Variants in ZNF722 observed in about 807,000 individuals in gnomAD.
ZNF722 encodes the protein zinc finger protein 479 pseudogene.
At chr7:64,004,423 A>ATATATATAT in the ZNF722 span, among the ~76,000 whole-genome samples, 11 of 61,694 alleles carry the variant, frequency 1.8e-4, no homozygotes, top group South Asian at 5.8e-4. Flanking sequence ...AAAAAAAAAA[A>ATATATATAT]AAATATATAT....
At chr7:64,017,761 CAG>C in the ZNF722 span, among the ~76,000 whole-genome samples, 1 of 152,120 alleles carries the variant, frequency 6.6e-6, no homozygotes, top group Non-Finnish European at 1.5e-5. Context: ...TACACTAAAT[CAG>C]AGTGTTGAAT....
At chr7:64,000,130 T>TGTGTGTG in the ZNF722 span, among the ~76,000 whole-genome samples, 10 of 140,550 alleles carry the variant, frequency 7.1e-5, no homozygotes, top group East Asian at 1.1e-3. Flanking sequence ...TTTTTTTTTT[T>TGTGTGTG]TTTGTGTGTG....
chr7:64,013,452 T>G, the ZNF722 span, among the ~76,000 whole-genome samples: 1 of 152,242 alleles, frequency 6.6e-6, no homozygotes, highest in Non-Finnish European at 1.5e-5. Flanking sequence ...TAAAGATTTT[T>G]TTCTTTATGC....
the ZNF722 span, among the ~76,000 whole-genome samples, chr7:64,001,664 T>C: frequency 1.3e-5 from 2 of 152,226 alleles, no homozygotes; most frequent in African/African-American, 2.4e-5. Context: ...AATGCCAAAC[T>C]GCTTTTCTCA....
the ZNF722 span, among the ~76,000 whole-genome samples, chr7:64,002,787 A>G: frequency 6.6e-6 from 1 of 152,306 alleles, no homozygotes; most frequent in Non-Finnish European, 1.5e-5. Flanking sequence ...AGACTTACTC[A>G]GATATTGCTG....
At chr7:64,004,456 A>ATATATATATAT in the ZNF722 span, among the ~76,000 whole-genome samples, 7 of 140,198 alleles carry the variant, frequency 5.0e-5, no homozygotes, top group African/African-American at 1.6e-4. Context: ...ATATATATAT[A>ATATATATATAT]AAATTAAATT....
chr7:63,999,008 C>A, the ZNF722 span: 3 of 1,576,704 alleles, frequency 1.9e-6, no homozygotes, highest in Non-Finnish European at 2.6e-6. Flanking sequence ...ATGGTGAGTG[C>A]TGGGTCTGTC....
chr7:64,003,643 T>G, the ZNF722 span, among the ~76,000 whole-genome samples: 19 of 152,320 alleles, frequency 1.2e-4, no homozygotes, highest in Non-Finnish European at 1.8e-4. Flanking sequence ...TTTGTTATTT[T>G]TATGATAGTC....
At chr7:64,005,470 G>A in the ZNF722 span, 7 of 512,500 alleles carry the variant, frequency 1.4e-5, no homozygotes, top group Non-Finnish European at 2.1e-5. Context: ...TTATCTTATC[G>A]AATAATTTTA....
chr7:64,015,907 AC>A, the ZNF722 span: 1 of 1,529,622 alleles, frequency 6.5e-7, no homozygotes, highest in Non-Finnish European at 9.0e-7. Context: ...GAGAAACCCT[AC>A]AAAAGTAAAT....
At chr7:64,009,399 T>A in the ZNF722 span, among the ~76,000 whole-genome samples, 9 of 152,312 alleles carry the variant, frequency 5.9e-5, no homozygotes, top group Non-Finnish European at 1.2e-4. Context: ...TAGCTCTTAT[T>A]ATTTTGAGAT....
At chr7:64,005,551 C>G in the ZNF722 span, 8 of 742,652 alleles carry the variant, frequency 1.1e-5, no homozygotes, top group East Asian at 1.8e-4. Context: ...AAATCTCTGC[C>G]TATGGCCACA....
chr7:64,001,944 C>A, the ZNF722 span, among the ~76,000 whole-genome samples: 1 of 152,022 alleles, frequency 6.6e-6, no homozygotes. Flanking sequence ...AGTGCAATGG[C>A]AAAATCTCGG....
chr7:64,015,691 C>T, the ZNF722 span: 6 of 1,613,314 alleles, frequency 3.7e-6, no homozygotes, highest in African/African-American at 8.0e-5. Flanking sequence ...TTTAGCGTAT[C>T]CTCAACCCTC....
At chr7:64,014,178 A>T in the ZNF722 span, among the ~76,000 whole-genome samples, 1 of 150,466 alleles carries the variant, frequency 6.6e-6, no homozygotes, top group African/African-American at 2.4e-5. Context: ...CATACTTTAA[A>T]ATTATTTCAC....
the ZNF722 span, among the ~76,000 whole-genome samples, chr7:64,003,651 G>C: frequency 6.6e-6 from 1 of 151,962 alleles, no homozygotes; most frequent in African/African-American, 2.4e-5. Flanking sequence ...TTTTATGATA[G>C]TCAAGGCGTT....
At chr7:64,015,719 T>C in the ZNF722 span, 1 of 1,613,758 alleles carries the variant, frequency 6.2e-7, no homozygotes, top group Non-Finnish European at 8.5e-7. Context: ...ACAAGAGAAT[T>C]CATACTGGAG....
chr7:64,010,758 G>C, the ZNF722 span, among the ~76,000 whole-genome samples: 3 of 152,282 alleles, frequency 2.0e-5, no homozygotes, highest in East Asian at 3.9e-4. Flanking sequence ...TGTCTATTAG[G>C]TCTGCTTGGT....
At chr7:64,013,315 A>G in the ZNF722 span, among the ~76,000 whole-genome samples, 3 of 152,094 alleles carry the variant, frequency 2.0e-5, no homozygotes, top group African/African-American at 7.2e-5. Context: ...CCGTGATGTT[A>G]TATATGCCTA....
Sources: gnomAD v4.1 joint callset for allele counts (sites outside exome capture counted in the v4.1 genomes callset) on GRCh38, gnomAD v4.1.1 for gene constraint, MANE v1.5 for transcripts, NCBI Gene and HGNC (gene_info 2026-07-23, HGNC 2026-07-21) for gene names.